PLB1: variants seen among roughly 807,000 people sequenced by gnomAD.
PLB1 encodes the protein phospholipase B1, membrane-associated.
Under a neutral mutation model 227.4 loss-of-function variants are expected in PLB1, and 242 were observed. That is an observed-to-expected ratio of 1.06 (90% confidence interval 0.96 to 1.18). The LOEUF (loss-of-function observed/expected upper bound fraction) is 1.18. PLB1 is among the 50% of genes most tolerant of loss of function. PLB1 has a pLI of 0.00. For synonymous variants in PLB1, 757 were observed against 682.2 expected (o/e 1.11, Z -1.71); for missense variants, 1,858 against 1,816.3 (o/e 1.02, Z -0.42).
chr2:28,518,611 C>A, intron 3 of PLB1, 79 bp downstream of exon 3: 2 of 1,045,456 alleles, frequency 1.9e-6, no homozygotes, highest in Admixed American at 3.8e-5. Flanking sequence ...TAACCCTATT[C>A]TTCTTGGACC....
At chr2:28,541,926 A>G (rs1572861760) in intron 13 of PLB1, 115 bp downstream of exon 13, 1 of 792,444 alleles carries the variant, frequency 1.3e-6, no homozygotes, top group Non-Finnish European at 2.1e-6. Flanking sequence ...TGAGATCAGG[A>G]GTTGAAGACC....
intron 56 of PLB1, among the ~76,000 whole-genome samples, chr2:28,633,649 C>T (rs1688961844): frequency 6.6e-6 from 1 of 152,232 alleles, no homozygotes; most frequent in South Asian, 2.1e-4. Context: ...ATGAAATGAA[C>T]ATACAGTCTG....
intron 20 of PLB1, among the ~76,000 whole-genome samples, chr2:28,570,061 G>A (rs905015263): frequency 1.3e-5 from 2 of 150,570 alleles, no homozygotes; most frequent in Non-Finnish European, 3.0e-5. Context: ...ACCAAAAAAA[G>A]CCCAGACTGT....
chr2:28,498,134 G>T (rs189252945), intron 1 of PLB1, among the ~76,000 whole-genome samples: 1 of 151,746 alleles, frequency 6.6e-6, no homozygotes, highest in East Asian at 1.9e-4. Flanking sequence ...CCTTCTAAAA[G>T]CTTTATAAAT....
At chr2:28,631,661 T>C (rs1421626358) in intron 54 of PLB1, among the ~76,000 whole-genome samples, 3 of 152,186 alleles carry the variant, frequency 2.0e-5, no homozygotes, top group African/African-American at 7.2e-5. Flanking sequence ...ATGTTCTAAT[T>C]GACCTCTTCG....
chr2:28,592,449 A>G (rs559976361), intron 31 of PLB1, among the ~76,000 whole-genome samples: 7 of 147,238 alleles, frequency 4.8e-5, no homozygotes, highest in South Asian at 4.3e-4. Flanking sequence ...CCCTCTCTGC[A>G]CCTCTCTTTC....
chr2:28,566,811 G>T lies in PLB1; in HGVS notation c.1296G>T (p.Glu432Asp). The change falls in exon 20 of 58, where the codon GAG becomes GAT. Residue 432 changes from glutamate to aspartate, a missense_variant. Physicochemically the swap from Glu to Asp is conservative, Grantham distance 45. Transcript: ENST00000327757. ...CACGTTACAGCGTCGGCGGAGATGA[G>T]AACATCGGCACCGTTACCACCCTGG... Reference protein sequence around the residue: ...RGLSWSVGGDENIGTVTTLAN... With the variant: ...RGLSWSVGGDDNIGTVTTLAN... 1 of 1,614,150 alleles carries T rather than the reference G, an allele frequency of 6.2e-7. No homozygotes were observed. The highest frequency in any genetic ancestry group is 1.1e-5 in the South Asian group (1 of 91,070).
In PLB1 at chr2:28,566,840, G is replaced by A. The variant is rs1242979261; in HGVS notation, c.1324+1G>A. On this transcript the variant is annotated splice_donor_variant, in intron 20 of 57. Transcript: ENST00000327757. LOFTEE classifies it high-confidence loss of function. ...ATCGGCACCGTTACCACCCTGGCGAGTGAGTACGCGGCGGCGGCCGGGATG... is the reference window on the plus strand; with the variant it reads ...ATCGGCACCGTTACCACCCTGGCGAATGAGTACGCGGCGGCGGCCGGGATG... The A allele has an allele frequency of 6.2e-7, 1 of 1,614,030 alleles. No individual in the cohort carries two copies. The highest frequency in any genetic ancestry group is 1.7e-5 in the Admixed American group (1 of 59,936).
At chr2:28,607,792 T>C (rs1022956160) in intron 43 of PLB1, among the ~76,000 whole-genome samples, 33 of 152,126 alleles carry the variant, frequency 2.2e-4, no homozygotes, top group African/African-American at 8.0e-4. Flanking sequence ...ATAGCCATAT[T>C]GTAGATATGT....
intron 45 of PLB1, 33 bp from the exon 46 acceptor site, chr2:28,618,308 C>G (rs1266497162): frequency 6.2e-7 from 1 of 1,602,352 alleles, no homozygotes; most frequent in Non-Finnish European, 8.6e-7. Flanking sequence ...TACCCCCAGC[C>G]CCCACAACCA....
At chr2:28,510,219 A>G (rs770928577) in intron 1 of PLB1, among the ~76,000 whole-genome samples, 1 of 152,102 alleles carries the variant, frequency 6.6e-6, no homozygotes, top group Non-Finnish European at 1.5e-5. Context: ...TCCTCACGCA[A>G]CTCCATGGGG....
At chr2:28,605,675 A>G (rs1684571109) in intron 41 of PLB1, among the ~76,000 whole-genome samples, 178 bp from the exon 42 acceptor site, 1 of 152,134 alleles carries the variant, frequency 6.6e-6, no homozygotes, top group Admixed American at 6.5e-5. Flanking sequence ...ACCCAAAACT[A>G]TTCTTTGTGG....
At chr2:28,611,744 A>T (rs951488858) in intron 43 of PLB1, among the ~76,000 whole-genome samples, 1 of 152,144 alleles carries the variant, frequency 6.6e-6, no homozygotes, top group Non-Finnish European at 1.5e-5. Context: ...GACAAGCCCA[A>T]GTAGCTACAT....
At chr2:28,509,675 C>T (rs753124052) in intron 1 of PLB1, among the ~76,000 whole-genome samples, 8 of 152,010 alleles carry the variant, frequency 5.3e-5, no homozygotes, top group Non-Finnish European at 1.0e-4. Flanking sequence ...TGTTTTTTTC[C>T]CCTGACTGCC....
At chr2:28,626,005 T>A (rs1687718892) in intron 50 of PLB1, among the ~76,000 whole-genome samples, 1 of 151,050 alleles carries the variant, frequency 6.6e-6, no homozygotes, top group African/African-American at 2.4e-5. Flanking sequence ...TTTCTTTTTT[T>A]TTTTTTTTTA....
chr2:28,537,589 G>A (rs1459636334), intron 9 of PLB1, among the ~76,000 whole-genome samples: 2 of 148,232 alleles, frequency 1.3e-5, no homozygotes, highest in African/African-American at 2.5e-5. Context: ...TACTCAGGAG[G>A]TGGAGGTTGC....
intron 29 of PLB1, among the ~76,000 whole-genome samples, chr2:28,590,880 A>T (rs1049843875): frequency 6.6e-6 from 1 of 152,184 alleles, no homozygotes; most frequent in African/African-American, 2.4e-5. Flanking sequence ...ATCTTCAGCC[A>T]GCCACGCGGG....
chr2:28,560,484 A>G (rs919065541), intron 17 of PLB1, among the ~76,000 whole-genome samples: 2 of 152,156 alleles, frequency 1.3e-5, no homozygotes, highest in African/African-American at 4.8e-5. Context: ...AGCAATATCT[A>G]TGTTAAACTC....
intron 43 of PLB1, among the ~76,000 whole-genome samples, chr2:28,611,144 G>A (rs572623784): frequency 6.5e-4 from 99 of 152,222 alleles, no homozygotes; most frequent in Non-Finnish European, 1.1e-3. Flanking sequence ...GAGGCACCCC[G>A]GCTGCCTGTC....
Sources: allele counts gnomAD v4.1 joint callset (sites outside exome capture counted in the v4.1 genomes callset), GRCh38; gene constraint gnomAD v4.1.1; transcripts MANE v1.5; gene names NCBI Gene and HGNC (gene_info 2026-07-23, HGNC 2026-07-21).